Variants in PI4K2B observed in about 807,000 individuals in gnomAD.
PI4K2B encodes phosphatidylinositol 4-kinase type 2 beta.
A neutral mutation model predicts 56.6 loss-of-function variants in PI4K2B; 46 were observed. The ratio of observed to expected loss-of-function variants is 0.81; its 90% CI spans 0.64 to 1.04. The LOEUF is 1.04. Among genes scored for constraint, PI4K2B ranks in the 50% least tolerant of loss-of-function variants. The pLI is 0.00. For missense variants in PI4K2B, 556 were observed against 607.7 expected (o/e 0.91, Z 0.89); for synonymous variants, 211 against 223.8 (o/e 0.94, Z 0.51).
chr4:25,240,690 G>A (rs952278356), intron 1 of PI4K2B, among the ~76,000 whole-genome samples: 2 of 152,130 alleles, frequency 1.3e-5, no homozygotes, highest in African/African-American at 4.8e-5. Flanking sequence ...AATTTACCCT[G>A]GCTTTTAAAG....
intron 1 of PI4K2B, among the ~76,000 whole-genome samples, chr4:25,243,200 G>A (rs1223581369): frequency 3.9e-5 from 6 of 152,180 alleles, no homozygotes; most frequent in African/African-American, 1.4e-4. Context: ...ACATGAGCTG[G>A]CGCTTGCCCC....
At chr4:25,276,400 C>CT in intron 9 of PI4K2B, 1 of 270,792 alleles carries the variant, frequency 3.7e-6, no homozygotes, top group Non-Finnish European at 5.7e-6. Flanking sequence ...CCCAAATTCT[C>CT]TAACCTATTT....
chr4:25,237,909 A>C (rs1715337362), intron 1 of PI4K2B, among the ~76,000 whole-genome samples: 1 of 152,224 alleles, frequency 6.6e-6, no homozygotes, highest in African/African-American at 2.4e-5. Flanking sequence ...GAAAAAGCAC[A>C]AAGAAGTGAA....
chr4:25,242,976 A>C (rs1014545724), intron 1 of PI4K2B, among the ~76,000 whole-genome samples: 13 of 152,224 alleles, frequency 8.5e-5, no homozygotes. Flanking sequence ...CAAGAAATGC[A>C]TGTGAAAAGA....
chr4:25,247,526 T>C (rs1167949512), intron 1 of PI4K2B, among the ~76,000 whole-genome samples: 1 of 152,204 alleles, frequency 6.6e-6, no homozygotes, highest in East Asian at 1.9e-4. Context: ...CAAACGGTCC[T>C]AACAGACTGT....
rs562362682 is a variant in PI4K2B at position 25,272,502 on chromosome 4, A to T, written c.1272+3299A>T. On this transcript the variant is annotated intron_variant, in intron 9 of 9. Coordinates refer to ENST00000264864, the MANE Select transcript of PI4K2B (RefSeq NM_018323.4). ...CTGGTTTTGGCTGTTTTTACTTTTT[A>T]AAAAAAAGTTGGTCTAAGGCCAGGT... 5.9e-5 allele frequency among the ~76,000 whole-genome samples: 9 copies of T among 152,038 alleles called. No homozygotes were observed. In the South Asian group the frequency reaches 1.7e-3, roughly 28 times the overall value.
In PI4K2B at chr4:25,278,533, T is replaced by C. The variant is rs1276590494; in HGVS notation, c.*1346T>C. 2.6e-5 allele frequency: 4 copies of C among 152,636 alleles called. No homozygotes were observed. The highest frequency in any genetic ancestry group is 5.9e-5 in the Non-Finnish European group (4 of 68,048). 9.5% of individuals were successfully genotyped at this position (152,636 alleles called of 1,614,324 possible). A position where few individuals can be genotyped will look rare whatever the true frequency, so the allele number is the denominator to read the frequency against. On this transcript the variant is annotated 3_prime_UTR_variant, in exon 10 of 10. Transcript: ENST00000264864. ...AGATCTGCCATTCCTTTTTCCCTTA[T>C]ATCTTCCTTTTGGTCTTCATGGACG...
chr4:25,270,626 G>A (rs901135509), intron 9 of PI4K2B, among the ~76,000 whole-genome samples: 5 of 152,074 alleles, frequency 3.3e-5, no homozygotes, highest in South Asian at 2.1e-4. Context: ...GATTACAGGT[G>A]TGTGCCACCG....
intron 1 of PI4K2B, among the ~76,000 whole-genome samples, chr4:25,247,432 C>T (rs1343239229): frequency 6.6e-6 from 1 of 152,182 alleles, no homozygotes; most frequent in African/African-American, 2.4e-5. Context: ...TTTGGAGAAA[C>T]AATAGTGACC....
chr4:25,270,494 C>T (rs1352231594), intron 9 of PI4K2B, among the ~76,000 whole-genome samples: 2 of 152,086 alleles, frequency 1.3e-5, no homozygotes, highest in African/African-American at 2.4e-5. Context: ...TACAGGTGTG[C>T]ATCACCACAC....
Position 25,268,475 on chromosome 4 carries a change from A to G in PI4K2B, c.1111A>G (p.Lys371Glu). Residue 371 changes from lysine (K) to glutamate (E), a missense_variant, in exon 8 of 10, where the codon AAA becomes GAA. By Grantham distance (56) the Lys-to-Glu change is moderately conservative. Coordinates refer to ENST00000264864, the MANE Select transcript of PI4K2B (RefSeq NM_018323.4). ...PFHWAWLPQA[K>E]VPFSEEIRNL... ...TCACTGGGCTTGGCTTCCTCAAGCA[A>G]AAGTTCCCTTTTCTGAAGAAATAAG... 1.2e-6 allele frequency: 2 copies of G among 1,605,382 alleles called. No homozygotes were observed. The highest frequency in any genetic ancestry group is 1.7e-6 in the Non-Finnish European group (2 of 1,175,722).
At chr4:25,260,291 A>G (rs1454231056) in intron 5 of PI4K2B, among the ~76,000 whole-genome samples, 1 of 152,006 alleles carries the variant, frequency 6.6e-6, no homozygotes, top group Non-Finnish European at 1.5e-5. Flanking sequence ...GAATTATTAC[A>G]TACTAAGCAC....
chr4:25,236,509 C>T (rs1037744102), intron 1 of PI4K2B, among the ~76,000 whole-genome samples: 51 of 152,202 alleles, frequency 3.4e-4, no homozygotes, highest in African/African-American at 1.1e-3. Context: ...GCAGAGATGG[C>T]TCCACTGCAC....
chr4:25,255,302 T>G (rs2109099220), intron 3 of PI4K2B, 37 bp downstream of exon 3: 2 of 1,487,302 alleles, frequency 1.3e-6, no homozygotes, highest in South Asian at 2.3e-5. Flanking sequence ...GGACTTTTAA[T>G]TTACAACCTG....
chr4:25,243,224 C>T (rs966869388), intron 1 of PI4K2B, among the ~76,000 whole-genome samples: 2 of 152,206 alleles, frequency 1.3e-5, no homozygotes, highest in African/African-American at 4.8e-5. Flanking sequence ...CACCCTCAGT[C>T]CTGTTGTTGG....
intron 1 of PI4K2B, among the ~76,000 whole-genome samples, chr4:25,238,088 A>G (rs920223243): frequency 6.6e-5 from 10 of 152,232 alleles, no homozygotes; most frequent in Admixed American, 3.3e-4. Flanking sequence ...ATATGTGAAC[A>G]GAATAAGAAA....
intron 9 of PI4K2B, among the ~76,000 whole-genome samples, chr4:25,273,069 A>C (rs1716962416): frequency 6.6e-6 from 1 of 152,134 alleles, no homozygotes; most frequent in Non-Finnish European, 1.5e-5. Context: ...TTAGTTTTAC[A>C]CATATATCAA....
In PI4K2B at chr4:25,277,044, G is replaced by A. The variant is rs200215448; in HGVS notation, c.1303G>A (p.Gly435Arg). 8.1e-5 allele frequency: 130 copies of A among 1,601,140 alleles called. No individual in the cohort carries two copies. The highest frequency in any genetic ancestry group is 1.3e-4 in the Admixed American group (8 of 59,830). Residue 435 changes from glycine to arginine, a missense_variant, in exon 10 of 10, where the codon GGG becomes AGG. Coordinates refer to ENST00000264864, the MANE Select transcript of PI4K2B (RefSeq NM_018323.4). ...AAACCTTACTCAGGCATTGAGAGAC[G>A]GGAAGAGTCCTTTCCAGCTAGTACA... ...ILNLTQALRD[G>R]KSPFQLVQIP...
chr4:25,270,669 T>C (rs996232025), intron 9 of PI4K2B, among the ~76,000 whole-genome samples: 6 of 152,174 alleles, frequency 3.9e-5, no homozygotes, highest in Non-Finnish European at 7.3e-5. Context: ...AGTTAAAGGT[T>C]AGAAGTACAA....
Sources: allele counts gnomAD v4.1 joint callset (sites outside exome capture counted in the v4.1 genomes callset), GRCh38; gene constraint gnomAD v4.1.1; transcripts MANE v1.5; gene names NCBI Gene and HGNC (gene_info 2026-07-23, HGNC 2026-07-21).